The following ZFAND4 variants were observed in gnomAD, a reference collection of about 807,000 sequenced individuals.
ZFAND4 encodes zinc finger AN1-type containing 4.
In ZFAND4, 43 loss-of-function variants were observed where a neutral mutation model predicts 64.4. That is an observed-to-expected ratio of 0.67 (90% CI 0.52 to 0.86). The LOEUF is 0.86. Ranked by LOEUF, ZFAND4 falls within the 40% of genes least tolerant of loss-of-function variation. The pLI is 0.00. For synonymous variants in ZFAND4, 296 were observed against 305.7 expected (o/e 0.97, Z 0.33); for missense variants, 929 against 859.8 (o/e 1.08, Z -1.01).
chr10:45,625,239 C>T (rs968771644), intron 7 of ZFAND4, among the ~76,000 whole-genome samples: 2 of 150,760 alleles, frequency 1.3e-5, no homozygotes, highest in African/African-American at 4.9e-5. Context: ...TTGGGAGGCC[C>T]AGGCGGGTGG....
intron 9 of ZFAND4, chr10:45,617,680 T>C (rs1045970756): frequency 6.6e-6 from 1 of 150,944 alleles, no homozygotes; most frequent in African/African-American, 2.4e-5. Context: ...CAAGATAATA[T>C]GACATAACAT....
rs536608943 is a variant in ZFAND4, at chr10:45,620,523, T to C, written c.1928-2263A>G. Among the ~76,000 whole-genome samples the C allele has an allele frequency of 1.3e-4, 20 of 152,270 alleles. No individual in the cohort carries two copies. In the East Asian group the frequency reaches 3.5e-3, roughly 26 times the overall value. ...CTTGCGAATGTGTAGAGACAGAGAATACATTAGTGACAGTAATGAGGTAGC... is the reference window on the plus strand; with the variant it reads ...CTTGCGAATGTGTAGAGACAGAGAACACATTAGTGACAGTAATGAGGTAGC... On this transcript the variant is annotated intron_variant, in intron 8 of 9. Transcript: ENST00000344646.
intron 6 of ZFAND4, among the ~76,000 whole-genome samples, chr10:45,635,786 A>G (rs2046558977): frequency 6.6e-6 from 1 of 152,214 alleles, no homozygotes; most frequent in Non-Finnish European, 1.5e-5. Flanking sequence ...AAGACAAAAA[A>G]CTTCTGGAGA....
intron 6 of ZFAND4, among the ~76,000 whole-genome samples, chr10:45,638,445 G>C (rs1335411437): frequency 6.6e-6 from 1 of 151,046 alleles, no homozygotes; most frequent in East Asian, 2.0e-4. Context: ...AGTGAGCCGA[G>C]ATAGCGCCTG....
intron 2 of ZFAND4, among the ~76,000 whole-genome samples, chr10:45,654,031 G>C (rs1272476408): frequency 2.0e-5 from 3 of 152,206 alleles, no homozygotes; most frequent in Non-Finnish European, 2.9e-5. Flanking sequence ...CATGAATGCA[G>C]CTGGAGGCCA....
chr10:45,639,740 G>C (rs1319639037), intron 6 of ZFAND4, 76 bp downstream of exon 6: 4 of 1,458,456 alleles, frequency 2.7e-6, no homozygotes, highest in Non-Finnish European at 2.7e-6. Context: ...TTTTCACAAT[G>C]ACCAACAGAC....
At chr10:45,648,926 T>G (rs181348521) in intron 4 of ZFAND4, 14,061 of 983,682 alleles carry the variant, frequency 0.014, 122 homozygotes, top group Middle Eastern at 0.019. Flanking sequence ...AAATATTGGT[T>G]CCAACAATAA....
chr10:45,642,751 G>C (rs2047100658), intron 5 of ZFAND4, among the ~76,000 whole-genome samples: 1 of 150,652 alleles, frequency 6.6e-6, no homozygotes, highest in African/African-American at 2.4e-5. Context: ...AGATGAGTTA[G>C]AATCCAATCA....
chr10:45,616,365 T>A lies in ZFAND4; in HGVS notation c.*71A>T. On this transcript the variant is annotated 3_prime_UTR_variant, in exon 10 of 10. Transcript: ENST00000344646. ...ATCTTTTAGAGTCGAACAAAAATAA[T>A]AGTCTAAACAACATTTCTTCTGTCA... 6.4e-7 allele frequency: 1 copy of A among 1,557,870 alleles called. No individual in the cohort carries two copies. The highest frequency in any genetic ancestry group is 8.7e-7 in the Non-Finnish European group (1 of 1,152,514).
At chr10:45,662,027 C>T (rs997966358) in intron 2 of ZFAND4, among the ~76,000 whole-genome samples, 2 of 151,978 alleles carry the variant, frequency 1.3e-5, no homozygotes, top group Non-Finnish European at 2.9e-5. Flanking sequence ...CCCACCAGAA[C>T]CTGCCCATGC....
At chr10:45,630,592 G>A (rs1226867292) in intron 6 of ZFAND4, among the ~76,000 whole-genome samples, 1 of 152,018 alleles carries the variant, frequency 6.6e-6, no homozygotes, top group East Asian at 1.9e-4. Context: ...GCCGGGCGTG[G>A]TGGCAGGCAC....
At chr10:45,671,381 G>A (rs538107229) in intron 1 of ZFAND4, among the ~76,000 whole-genome samples, 4 of 152,292 alleles carry the variant, frequency 2.6e-5, no homozygotes, top group South Asian at 2.1e-4. Context: ...ACATGCACAC[G>A]TATGTTTACT....
rs192954535 is a variant in ZFAND4, at chr10:45,627,677, C to G, written c.718-572G>C. Among the ~76,000 whole-genome samples the G allele has an allele frequency of 1.3e-3, 193 of 152,228 alleles. 1 individual carries two copies. Among genetic ancestry groups the G allele is most frequent in the African/African-American group, 4.3e-3 (178 of 41,530 alleles). On this transcript the variant is annotated intron_variant, in intron 6 of 9. Coordinates refer to ENST00000344646, the MANE Select transcript of ZFAND4 (RefSeq NM_174890.4). ...ACGCAATAATACAGTTCATGATGAACACTTGCTTTCCTTTTGGGAGTCTGA... is the reference window on the plus strand; with the variant it reads ...ACGCAATAATACAGTTCATGATGAAGACTTGCTTTCCTTTTGGGAGTCTGA...
intron 6 of ZFAND4, among the ~76,000 whole-genome samples, chr10:45,635,095 T>G (rs1028901607): frequency 6.7e-6 from 1 of 149,630 alleles, no homozygotes; most frequent in Admixed American, 6.7e-5. Context: ...CAACATAATC[T>G]CTATCAAAAT....
intron 5 of ZFAND4, among the ~76,000 whole-genome samples, chr10:45,647,445 T>C (rs777822879): frequency 6.7e-6 from 1 of 148,438 alleles, no homozygotes; most frequent in African/African-American, 2.5e-5. Flanking sequence ...TTTTTTTTAA[T>C]GATTTTACCA....
At chr10:45,640,103 AT>A in intron 5 of ZFAND4, 140 bp from the exon 6 acceptor site, 2 of 1,296,686 alleles carry the variant, frequency 1.5e-6, no homozygotes, top group Non-Finnish European at 2.0e-6. Flanking sequence ...TGTCAGGAAA[AT>A]ATATTTCAAA....
chr10:45,659,900 G>A (rs1467939687), intron 2 of ZFAND4, among the ~76,000 whole-genome samples: 5 of 152,108 alleles, frequency 3.3e-5, no homozygotes, highest in Non-Finnish European at 5.9e-5. Context: ...AACAGAGGCC[G>A]GGCGCGGTGG....
chr10:45,632,277 GA>G (rs2046278115), intron 6 of ZFAND4, among the ~76,000 whole-genome samples: 1 of 152,182 alleles, frequency 6.6e-6, no homozygotes, highest in Admixed American at 6.5e-5. Flanking sequence ...AGAATTGCTT[GA>G]ACCCAGGAGG....
At chr10:45,660,033 G>A (rs1250592518) in intron 2 of ZFAND4, among the ~76,000 whole-genome samples, 9 of 151,972 alleles carry the variant, frequency 5.9e-5, no homozygotes, top group African/African-American at 1.5e-4. Flanking sequence ...AAAATTAGCC[G>A]GGTGTGTAGT....
Sources: gnomAD v4.1 joint callset for allele counts (sites outside exome capture counted in the v4.1 genomes callset) on GRCh38, gnomAD v4.1.1 for gene constraint, MANE v1.5 for transcripts, NCBI Gene and HGNC (gene_info 2026-07-23, HGNC 2026-07-21) for gene names.